The following ZNF333 variants were observed in gnomAD, a reference collection of about 807,000 sequenced individuals.
The protein encoded by ZNF333 is zinc finger protein 333.
ZNF333 carries 61 observed loss-of-function variants against 76.1 expected under a neutral mutation model. That is an observed-to-expected ratio of 0.80 (90% CI 0.65 to 0.99). ZNF333 has a LOEUF of 0.99. Ranked by LOEUF, ZNF333 falls within the 50% of genes least tolerant of loss-of-function variation. ZNF333 has a pLI of 0.00. For synonymous variants in ZNF333, 284 were observed against 305.0 expected (o/e 0.93, Z 0.72); for missense variants, 717 against 822.4 (o/e 0.87, Z 1.57).
At chr19:14,693,582 C>G in intron 2 of ZNF333, 88 bp downstream of exon 2, 2 of 1,452,420 alleles carry the variant, frequency 1.4e-6, no homozygotes, top group South Asian at 2.7e-5. Flanking sequence ...CTCGCCACTT[C>G]CGTCCCCAAC....
Position 14,718,823 on chromosome 19 carries a change from C to T in ZNF333, c.1496C>T (p.Thr499Ile). 1 of 1,614,058 alleles carries T rather than the reference C, an allele frequency of 6.2e-7. No individual in the cohort carries two copies. The highest frequency in any genetic ancestry group is 1.1e-5 in the South Asian group (1 of 91,082). Residue 499 changes from threonine (T) to isoleucine (I), a missense_variant, in exon 12 of 12, where the codon ACC becomes ATC. Coordinates refer to ENST00000292530, the MANE Select transcript of ZNF333 (RefSeq NM_032433.4). The part of the protein sequence containing the change: ...EHSSLKTHLR[T>I]HTREKPYECN... Reference sequence around the variant, plus strand: ...TCTTCACTGAAGACACATCTGCGAACCCATACCAGAGAGAAACCATATGAA... The same window carrying T: ...TCTTCACTGAAGACACATCTGCGAATCCATACCAGAGAGAAACCATATGAA...
chr19:14,697,072 T>C (rs1239686539), intron 4 of ZNF333, among the ~76,000 whole-genome samples: 2 of 152,170 alleles, frequency 1.3e-5, no homozygotes, highest in Admixed American at 6.5e-5. Context: ...CTCTCAATAC[T>C]GTTGTATGGG....
At chr19:14,715,341 G>T in intron 7 of ZNF333, 41 bp from the exon 8 acceptor site, 1 of 1,593,008 alleles carries the variant, frequency 6.3e-7, no homozygotes, top group Non-Finnish European at 8.6e-7. Context: ...GTGCCCAGTA[G>T]GCCAGGCACC....
chr19:14,708,698 A>G (rs1254404791), intron 7 of ZNF333: 1 of 260,102 alleles, frequency 3.8e-6, no homozygotes, highest in Non-Finnish European at 7.2e-6. Context: ...TTCCTCTATG[A>G]GTTTGCTAGG....
Position 14,710,050 on chromosome 19 carries a change from C to T in ZNF333, c.511+3277C>T, listed in dbSNP as rs546149495. Among the ~76,000 whole-genome samples the T allele has an allele frequency of 5.1e-4, 78 of 152,314 alleles. No individual in the cohort carries two copies. In the South Asian group the frequency reaches 0.011, roughly 21 times the overall value. ...TCCCCATGGAGCAGAGAACTGGTTG[C>T]ATCCAGGGCCCATGGAAGATGGTGT... On this transcript the variant is annotated intron_variant, in intron 7 of 11. Transcript: ENST00000292530.
At position 14,719,876 on chromosome 19, in the gene ZNF333, G is replaced by A. The variant is rs2147028891; in HGVS notation, c.*551G>A. ...TGGGTTTTCTGTTCAGATTGGCAGT[G>A]TGCACTATTAAAAAGCTTCCATCTC... On this transcript the variant is annotated 3_prime_UTR_variant, in exon 12 of 12. Transcript: ENST00000292530. The A allele has an allele frequency of 1.0e-6, 1 of 986,062 alleles. No individual in the cohort carries two copies. The highest frequency in any genetic ancestry group is 1.2e-6 in the Non-Finnish European group (1 of 830,544). The allele number at this position is 986,062 out of a possible 1,614,324, so 61.1% of individuals were successfully genotyped here. A position where few individuals can be genotyped will look rare whatever the true frequency, so the allele number is the denominator to read the frequency against.
At chr19:14,724,340 C>T (rs1461199883), downstream of ZNF333, among the ~76,000 whole-genome samples, 1 of 152,220 alleles carries the variant, frequency 6.6e-6, no homozygotes, top group East Asian at 1.9e-4. Flanking sequence ...CATAGCTTCT[C>T]TTACTGATTC....
rs1450110242 is a variant in ZNF333, at chr19:14,721,560, A to G, written c.*2235A>G. ...CTTGTGTCTGTTTTCTTCACTTAAT[A>G]TAGTGTCATTGAGATTTATCTATGT... On this transcript the variant is annotated 3_prime_UTR_variant, in exon 12 of 12. Transcript: ENST00000292530. 1 of 151,956 alleles carries G rather than the reference A, an allele frequency of 6.6e-6. No individual in the cohort carries two copies. Among genetic ancestry groups the G allele is most frequent in the Non-Finnish European group, 1.5e-5 (1 of 67,996 alleles). The allele number at this position is 151,956 out of a possible 1,614,324, so 9.4% of individuals were successfully genotyped here.
chr19:14,712,640 T>C (rs577994686), intron 7 of ZNF333, among the ~76,000 whole-genome samples: 2 of 152,238 alleles, frequency 1.3e-5, no homozygotes, highest in African/African-American at 4.8e-5. Context: ...TGCCACCTGC[T>C]TTCTAACAGT....
At chr19:14,717,122 C>T (rs1271502948) in intron 10 of ZNF333, 33 bp downstream of exon 10, 1 of 1,565,318 alleles carries the variant, frequency 6.4e-7, no homozygotes, top group Non-Finnish European at 8.7e-7. Flanking sequence ...AGCATCAGCT[C>T]TGGTCAGTAA....
chr19:14,724,215 G>A (rs2042619919), downstream of ZNF333, among the ~76,000 whole-genome samples: 2 of 152,148 alleles, frequency 1.3e-5, no homozygotes, highest in South Asian at 2.1e-4. Context: ...AACAAGAAAT[G>A]GTTCAAAAAG....
intron 5 of ZNF333, among the ~76,000 whole-genome samples, chr19:14,703,733 T>C (rs1261650961): frequency 6.6e-6 from 1 of 152,122 alleles, no homozygotes; most frequent in Non-Finnish European, 1.5e-5. Flanking sequence ...TTAGTGGACC[T>C]TGGGGGATAG....
At chr19:14,706,405 T>G (rs1599721620) in intron 6 of ZNF333, 1 of 444,624 alleles carries the variant, frequency 2.2e-6, no homozygotes, top group African/African-American at 2.0e-5. Context: ...CACTCCCCAC[T>G]TTTTTCCCAG....
chr19:14,718,986 G>A lies in ZNF333; in HGVS notation c.1659G>A (p.Met553Ile), dbSNP rs759531509. 15 of 1,613,992 alleles carry A rather than the reference G, an allele frequency of 9.3e-6. No homozygotes were observed. Among genetic ancestry groups the A allele is most frequent in the East Asian group, 4.5e-5 (2 of 44,898 alleles). The change falls in exon 12 of 12, where the codon ATG becomes ATA. Residue 553 changes from methionine (M) to isoleucine (I), a missense_variant. Transcript: ENST00000292530. ...LSRLSTLKSH[M>I]RTHTGEKPYV... is the part of the protein sequence containing the mutation. ...GTCTTTCAACCCTGAAGAGTCACATGCGAACTCACACTGGAGAGAAGCCCT... is the reference window on the plus strand; with the variant it reads ...GTCTTTCAACCCTGAAGAGTCACATACGAACTCACACTGGAGAGAAGCCCT...
At chr19:14,708,320 T>A (rs1197957726) in intron 7 of ZNF333, 1 of 401,076 alleles carries the variant, frequency 2.5e-6, no homozygotes, top group East Asian at 3.6e-5. Flanking sequence ...TTTTGTTACT[T>A]CTTGAAGCGG....
At chr19:14,694,746 A>G (rs549795134) in intron 2 of ZNF333, among the ~76,000 whole-genome samples, 37 of 152,316 alleles carry the variant, frequency 2.4e-4, no homozygotes, top group African/African-American at 8.7e-4. Context: ...GTTAAAAGAA[A>G]GTAAACATTT....
At chr19:14,731,398 C>G (rs2042670298) in exon 12 of ZNF333, 8 of 585,332 alleles carry the variant, frequency 1.4e-5, no homozygotes, top group South Asian at 4.4e-5. Flanking sequence ...TCACATACTT[C>G]TGGCTTCCGG....
downstream of ZNF333, among the ~76,000 whole-genome samples, chr19:14,722,970 T>G (rs113626905): frequency 0.036 from 5,520 of 152,278 alleles, 129 homozygotes; most frequent in Middle Eastern, 0.092. Flanking sequence ...GTATTTTTAG[T>G]AGAGATGGGG....
At chr19:14,725,191 C>T (rs927952992), downstream of ZNF333, among the ~76,000 whole-genome samples, 5 of 152,018 alleles carry the variant, frequency 3.3e-5, no homozygotes, top group Admixed American at 2.6e-4. Flanking sequence ...TTTTAAACAA[C>T]CAGATCTCGC....
Sources: allele counts gnomAD v4.1 joint callset (sites outside exome capture counted in the v4.1 genomes callset), GRCh38; gene constraint gnomAD v4.1.1; transcripts MANE v1.5; gene names NCBI Gene and HGNC (gene_info 2026-07-23, HGNC 2026-07-21).